The following MYCBP2 variants were observed in gnomAD, a reference collection of about 807,000 sequenced individuals.
MYCBP2 encodes MYC binding protein 2, also known as E3 ubiquitin-protein ligase MYCBP2.
In MYCBP2, 120 loss-of-function variants were observed where a neutral mutation model predicts 525.3. That is an observed-to-expected ratio of 0.23 (90% CI 0.20 to 0.27). The LOEUF (loss-of-function observed/expected upper bound fraction) is 0.27. MYCBP2 is among the 10% of genes least tolerant of loss of function. The probability of loss-of-function intolerance (pLI) is 1.00; values close to 1 mark genes in which losing one functional copy is unlikely to be tolerated. For synonymous variants in MYCBP2, 1,894 were observed against 1,955.8 expected (o/e 0.97, Z 0.83); for missense variants, 4,149 against 5,657.1 (o/e 0.73, Z 8.55).
At chr13:77,229,377 A>G (rs1336016046) in intron 18 of MYCBP2, among the ~76,000 whole-genome samples, 1 of 152,224 alleles carries the variant, frequency 6.6e-6, no homozygotes, top group Non-Finnish European at 1.5e-5. Flanking sequence ...TAAGGGGTTA[A>G]GTAACCAGCC....
intron 28 of MYCBP2, among the ~76,000 whole-genome samples, chr13:77,191,226 C>A (rs1287069989): frequency 2.0e-5 from 3 of 152,114 alleles, no homozygotes. Context: ...GTACTCTATA[C>A]GTGAAAGTTA....
At chr13:77,296,111 C>T (rs1213904049) in intron 2 of MYCBP2, among the ~76,000 whole-genome samples, 2 of 152,120 alleles carry the variant, frequency 1.3e-5, no homozygotes, top group African/African-American at 4.8e-5. Flanking sequence ...AACTTCCAGG[C>T]TACTGGTCAA....
chr13:77,081,472 A>G lies in MYCBP2; in HGVS notation c.11373T>C (p.Asn3791=). 3 of 1,612,768 alleles carry G rather than the reference A, an allele frequency of 1.9e-6. No homozygotes were observed. The highest frequency in any genetic ancestry group is 2.5e-6 in the Non-Finnish European group (3 of 1,179,812). Residue 3791 remains asparagine (N), a synonymous_variant, in exon 65 of 83, where the codon AAT becomes AAC. Coordinates refer to ENST00000544440, the MANE Select transcript of MYCBP2 (RefSeq NM_015057.5). The surrounding 1 kb of genome is among the most constrained non-coding windows in gnomAD (Gnocchi z 4.6). Reference sequence around the variant, plus strand: ...CCACGTGAACAGACACATAGCGGGCATTGATTCCTTTTACACAGTTGATGG... The same window carrying G: ...CCACGTGAACAGACACATAGCGGGCGTTGATTCCTTTTACACAGTTGATGG... ...NITINCVKGI[N]ARYVSVHVDN...
At chr13:77,116,557 G>C (rs1168957541) in intron 55 of MYCBP2, among the ~76,000 whole-genome samples, 1 of 151,954 alleles carries the variant, frequency 6.6e-6, no homozygotes, top group Non-Finnish European at 1.5e-5. Context: ...TCAAAATTTA[G>C]AGACGTCCTG....
At chr13:77,177,300 A>G (rs553629503) in intron 35 of MYCBP2, among the ~76,000 whole-genome samples, 145 of 151,326 alleles carry the variant, frequency 9.6e-4, no homozygotes, top group African/African-American at 3.4e-3. Context: ...ACAAACAATC[A>G]GGTAAAATCA....
intron 3 of MYCBP2, among the ~76,000 whole-genome samples, chr13:77,286,789 A>AAATATATATATATAT (rs2076859155): frequency 2.4e-5 from 1 of 42,298 alleles, no homozygotes; most frequent in Non-Finnish European, 3.8e-5. Flanking sequence ...AAAAAAAAAA[A>AAATATATATATATAT]ATATATATAT....
At chr13:77,108,431 G>C in intron 55 of MYCBP2, among the ~76,000 whole-genome samples, 1 of 152,136 alleles carries the variant, frequency 6.6e-6, no homozygotes, top group East Asian at 1.9e-4. Flanking sequence ...ATAAGAGACA[G>C]GTATTGCTTC....
chr13:77,308,132 T>A (rs928424958), intron 1 of MYCBP2, among the ~76,000 whole-genome samples: 1 of 152,198 alleles, frequency 6.6e-6, no homozygotes, highest in African/African-American at 2.4e-5. Context: ...AAGGTACATC[T>A]ACCATAAAAA....
Position 77,061,647 on chromosome 13 carries a change from G to T in MYCBP2, c.12903+15C>A. 5 of 1,607,738 alleles carry T rather than the reference G, an allele frequency of 3.1e-6. No individual in the cohort carries two copies. The highest frequency in any genetic ancestry group is 4.2e-6 in the Non-Finnish European group (5 of 1,178,356). Reference sequence around the variant, plus strand: ...CACTGAACATATTTTATGCTCCAGAGACAAAAATCTTCACCTGTCTTTGAT... The same window carrying T: ...CACTGAACATATTTTATGCTCCAGATACAAAAATCTTCACCTGTCTTTGAT... On this transcript the variant is annotated intron_variant, in intron 75 of 82. Transcript: ENST00000544440.
Position 77,185,325 on chromosome 13 carries a change from T to C in MYCBP2, c.4497A>G (p.Gly1499=). ...EETSKLAECI[G]KTRTLLRKIL... is the part of the protein sequence containing the mutation. ...TTTTTCTTAACAAAGTTCTGGTTTTTCCAATACACTCTGCTAATTTGCTAG... is the reference window on the plus strand; with the variant it reads ...TTTTTCTTAACAAAGTTCTGGTTTTCCCAATACACTCTGCTAATTTGCTAG... The change falls in exon 32 of 83, where the codon GGA becomes GGG. Residue 1499 remains glycine (G), a synonymous_variant. Coordinates refer to ENST00000544440, the MANE Select transcript of MYCBP2 (RefSeq NM_015057.5). 1 of 1,614,018 alleles carries C rather than the reference T, an allele frequency of 6.2e-7. No individual in the cohort carries two copies. Among genetic ancestry groups the C allele is most frequent in the Admixed American group, 1.7e-5 (1 of 60,034 alleles).
chr13:77,289,967 C>T (rs1461599750), intron 2 of MYCBP2, among the ~76,000 whole-genome samples: 4 of 151,838 alleles, frequency 2.6e-5, no homozygotes, highest in Non-Finnish European at 5.9e-5. Context: ...ATTTGCAAAC[C>T]ACATATCCAA....
In MYCBP2 at chr13:77,236,916, G is replaced by A. The variant is rs554120551; in HGVS notation, c.2630-3653C>T. Among the ~76,000 whole-genome samples, 28 of 152,090 alleles carry A rather than the reference G, an allele frequency of 1.8e-4. No individual in the cohort carries two copies. The East Asian group carries it at 5.2e-3, about 28-fold the overall frequency. Reference sequence around the variant, plus strand: ...ATAAATAAAAGAATAATGAATACAGGTGATGCTAGAGGAAAACACTACTCT... The same window carrying A: ...ATAAATAAAAGAATAATGAATACAGATGATGCTAGAGGAAAACACTACTCT... On this transcript the variant is annotated intron_variant, in intron 17 of 82. Transcript: ENST00000544440.
intron 15 of MYCBP2, among the ~76,000 whole-genome samples, chr13:77,245,827 C>T (rs559111061): frequency 1.3e-4 from 19 of 144,696 alleles, no homozygotes; most frequent in African/African-American, 4.5e-4. Context: ...AAAAATAATA[C>T]ATATATATGT....
chr13:77,205,306 C>G lies in MYCBP2; in HGVS notation c.3793G>C (p.Gly1265Arg). ...RFSADTDILL[G>R]GLGLFGGRGE... The stretch of plus-strand genomic sequence containing the variant: ...CTACCTCCAAACAGACCAAGACCAC[C>G]AAGTAAAATATCAGTGTCGGCACTG... The change falls in exon 26 of 83, where the codon GGT becomes CGT. Residue 1265 changes from glycine to arginine, a missense_variant. Physicochemically the swap from Gly to Arg is moderately radical, Grantham distance 125. Coordinates refer to ENST00000544440, the MANE Select transcript of MYCBP2 (RefSeq NM_015057.5). The G allele has an allele frequency of 6.2e-7, 1 of 1,613,654 alleles. No homozygotes were observed. Among genetic ancestry groups the G allele is most frequent in the African/African-American group, 1.3e-5 (1 of 75,006 alleles).
At position 77,100,316 on chromosome 13, in the gene MYCBP2, A is replaced by T. The variant is rs529137045; in HGVS notation, c.8141-1303T>A. 2.6e-5 allele frequency: 4 copies of T among 152,162 alleles called. No individual in the cohort carries two copies. The East Asian group carries it at 5.8e-4, about 22-fold the overall frequency. 9.4% of individuals were successfully genotyped at this position (152,162 alleles called of 1,614,324 possible). On this transcript the variant is annotated intron_variant, in intron 55 of 82. Coordinates refer to ENST00000544440, the MANE Select transcript of MYCBP2 (RefSeq NM_015057.5). ...ATGGCTCAGGACAGTAGTGCTGGAGAATCTGCCCCAGTCTTTGTCAAGGGC... is the reference window on the plus strand; with the variant it reads ...ATGGCTCAGGACAGTAGTGCTGGAGTATCTGCCCCAGTCTTTGTCAAGGGC...
intron 17 of MYCBP2, among the ~76,000 whole-genome samples, chr13:77,242,640 G>T (rs999562045): frequency 6.6e-6 from 1 of 152,152 alleles, no homozygotes; most frequent in Non-Finnish European, 1.5e-5. Context: ...GAGCATAAAT[G>T]AGTAAGAAAA....
At chr13:77,145,654 T>C (rs575996095) in intron 48 of MYCBP2, among the ~76,000 whole-genome samples, 1 of 152,260 alleles carries the variant, frequency 6.6e-6, no homozygotes, top group South Asian at 2.1e-4. Flanking sequence ...CATCTAATTA[T>C]TTTTTCCAAG....
In MYCBP2 at chr13:77,081,918, A is replaced by G; in HGVS notation, c.11112T>C (p.Asn3704=). 1 of 1,613,716 alleles carries G rather than the reference A, an allele frequency of 6.2e-7. No homozygotes were observed. The highest frequency in any genetic ancestry group is 1.1e-5 in the South Asian group (1 of 91,066). ...HQSNVFHHIN[N]ILSKSDDGDS... Reference sequence around the variant, plus strand: ...CGCCATCATCTGACTTTGACAAAATATTGTTAATGTGATGAAAGACGTTGC... The same window carrying G: ...CGCCATCATCTGACTTTGACAAAATGTTGTTAATGTGATGAAAGACGTTGC... Residue 3704 remains asparagine, a synonymous_variant, in exon 64 of 83, where the codon AAT becomes AAC. Transcript: ENST00000544440. This position sits in a 1 kb window ranked among gnomAD's most constrained non-coding sequence, Gnocchi z 4.6.
intron 71 of MYCBP2, among the ~76,000 whole-genome samples, chr13:77,066,383 T>C (rs975249713): frequency 6.6e-6 from 1 of 152,202 alleles, no homozygotes; most frequent in Non-Finnish European, 1.5e-5. Flanking sequence ...ATGCGGATAA[T>C]GTGGAGCTTA....
Sources: gnomAD v4.1 joint callset for allele counts (sites outside exome capture counted in the v4.1 genomes callset) on GRCh38, gnomAD v4.1.1 for gene constraint, Gnocchi (gnomAD v3.1) non-coding constraint, MANE v1.5 for transcripts, NCBI Gene and HGNC (gene_info 2026-07-23, HGNC 2026-07-21) for gene names.